The following LPP variants were observed in gnomAD, a reference collection of about 807,000 sequenced individuals.
LPP encodes the protein lipoma-preferred partner.
A neutral mutation model predicts 60.4 loss-of-function variants in LPP; 38 were observed. That is an observed-to-expected ratio of 0.63 (90% CI 0.49 to 0.83). LPP has a LOEUF of 0.83. Ranked by LOEUF, LPP falls within the 40% of genes least tolerant of loss-of-function variation. The probability of loss-of-function intolerance (pLI) is 0.00; values close to 1 mark genes in which losing one functional copy is unlikely to be tolerated. For synonymous variants in LPP, 328 were observed against 290.8 expected (o/e 1.13, Z -1.30); for missense variants, 902 against 783.6 (o/e 1.15, Z -1.80).
At chr3:188,338,276 A>C (rs1286634543) in intron 2 of LPP, among the ~76,000 whole-genome samples, 1 of 152,206 alleles carries the variant, frequency 6.6e-6, no homozygotes, top group African/African-American at 2.4e-5. Flanking sequence ...GGGTGGCATG[A>C]GAGTGCACTT....
chr3:188,200,420 T>C (rs1227821779), intron 1 of LPP, among the ~76,000 whole-genome samples: 4 of 152,146 alleles, frequency 2.6e-5, no homozygotes, highest in Non-Finnish European at 5.9e-5. Context: ...CCACTAATTT[T>C]TGTATTTTTA....
intron 9 of LPP, among the ~76,000 whole-genome samples, chr3:188,808,463 TC>T (rs2151273521): frequency 6.6e-6 from 1 of 152,124 alleles, no homozygotes; most frequent in African/African-American, 2.4e-5. Context: ...CTTATTCTTT[TC>T]CCCTACCTAT....
chr3:188,703,888 G>A (rs1226986471), intron 7 of LPP, among the ~76,000 whole-genome samples: 3 of 152,140 alleles, frequency 2.0e-5, no homozygotes, highest in South Asian at 2.1e-4. Context: ...ATAAAGGACA[G>A]GATCGGCCTT....
chr3:188,239,923 T>C (rs1723304904), intron 2 of LPP: 1 of 204,666 alleles, frequency 4.9e-6, no homozygotes, highest in South Asian at 1.9e-4. Flanking sequence ...GATATCAAAA[T>C]TGGTAGATCA....
intron 1 of LPP, among the ~76,000 whole-genome samples, chr3:188,157,931 G>T (rs1717005248): frequency 6.6e-6 from 1 of 152,170 alleles, no homozygotes; most frequent in African/African-American, 2.4e-5. Context: ...TATTCTCCAG[G>T]CTGTGTTTTG....
At chr3:188,298,812 GCCCATTCCCATCAT>G (rs1748779068) in intron 2 of LPP, among the ~76,000 whole-genome samples, 1 of 152,134 alleles carries the variant, frequency 6.6e-6, no homozygotes, top group African/African-American at 2.4e-5. Context: ...TCTACCCCAG[GCCCATTCCCATCAT>G]GAGTATTTAT....
At chr3:188,203,344 T>A (rs111215363) in intron 1 of LPP, among the ~76,000 whole-genome samples, 1 of 107,964 alleles carries the variant, frequency 9.3e-6, no homozygotes, top group African/African-American at 3.8e-5. Flanking sequence ...ACATATATAT[T>A]TAAATATATA....
chr3:188,480,953 T>C (rs1247534539), intron 4 of LPP, among the ~76,000 whole-genome samples: 1 of 152,222 alleles, frequency 6.6e-6, no homozygotes. Context: ...GAAGACCTCC[T>C]TCCCCCTTCT....
intron 3 of LPP, among the ~76,000 whole-genome samples, chr3:188,375,110 AG>A: frequency 6.6e-6 from 1 of 152,232 alleles, no homozygotes; most frequent in South Asian, 2.1e-4. Context: ...TCGGTTTGCC[AG>A]TATTTTATTG....
chr3:188,728,950 G>C (rs1169809077), intron 8 of LPP, among the ~76,000 whole-genome samples: 1 of 151,812 alleles, frequency 6.6e-6, no homozygotes, highest in Non-Finnish European at 1.5e-5. Flanking sequence ...TTATAGGTTA[G>C]AGAATAAAAA....
At chr3:188,312,020 C>T (rs906398990) in intron 2 of LPP, among the ~76,000 whole-genome samples, 1 of 152,010 alleles carries the variant, frequency 6.6e-6, no homozygotes, top group African/African-American at 2.4e-5. Flanking sequence ...GTATAAAATT[C>T]AAAACTATGC....
intron 4 of LPP, among the ~76,000 whole-genome samples, chr3:188,430,331 G>A (rs984521236): frequency 2.0e-5 from 3 of 151,964 alleles, no homozygotes; most frequent in African/African-American, 7.3e-5. Flanking sequence ...GGCTTATATT[G>A]TACATGGGTT....
intron 9 of LPP, among the ~76,000 whole-genome samples, chr3:188,768,664 A>G (rs1446947962): frequency 6.6e-6 from 1 of 152,194 alleles, no homozygotes; most frequent in East Asian, 1.9e-4. Flanking sequence ...CATTTCTAAC[A>G]TATATAAAGA....
chr3:188,303,204 C>G (rs1490806017), intron 2 of LPP, among the ~76,000 whole-genome samples: 1 of 152,126 alleles, frequency 6.6e-6, no homozygotes, highest in Non-Finnish European at 1.5e-5. Context: ...ACGAAACACT[C>G]AAGACTCCAC....
At chr3:188,600,252 A>T (rs1370661737) in intron 6 of LPP, among the ~76,000 whole-genome samples, 2 of 148,570 alleles carry the variant, frequency 1.3e-5, no homozygotes, top group Non-Finnish European at 3.0e-5. Flanking sequence ...TATATAAGAA[A>T]TGTATAATAT....
intron 1 of LPP, among the ~76,000 whole-genome samples, chr3:188,204,501 G>A (rs1732604747): frequency 6.6e-6 from 1 of 152,132 alleles, no homozygotes; most frequent in Non-Finnish European, 1.5e-5. Context: ...ACTTTTTGCA[G>A]TGCTTCAACT....
At chr3:188,509,360 T>TA (rs2149992602) in intron 5 of LPP, among the ~76,000 whole-genome samples, 1 of 152,320 alleles carries the variant, frequency 6.6e-6, no homozygotes, top group South Asian at 2.1e-4. Flanking sequence ...AAGAAGACAC[T>TA]AAAACTAAGA....
intron 7 of LPP, among the ~76,000 whole-genome samples, chr3:188,642,028 C>T (rs192045603): frequency 1.1e-4 from 16 of 152,204 alleles, no homozygotes; most frequent in South Asian, 6.2e-4. Flanking sequence ...ATAGCAGTTG[C>T]GCTTGATAAT....
chr3:188,533,758 G>A (rs922450032), intron 6 of LPP, among the ~76,000 whole-genome samples: 16 of 152,086 alleles, frequency 1.1e-4, no homozygotes, highest in African/African-American at 3.1e-4. Flanking sequence ...GCCTGTACCC[G>A]CCAGAAAACT....
Sources: gnomAD v4.1 joint callset for allele counts (sites outside exome capture counted in the v4.1 genomes callset) on GRCh38, gnomAD v4.1.1 for gene constraint, MANE v1.5 for transcripts, NCBI Gene and HGNC (gene_info 2026-07-23, HGNC 2026-07-21) for gene names.